The following GHSR variants were observed in gnomAD, a reference collection of about 807,000 sequenced individuals.
GHSR encodes growth hormone secretagogue receptor, also known as growth hormone secretagogue receptor type 1.
In GHSR, 17 loss-of-function variants were observed where a neutral mutation model predicts 24.0. The ratio of observed to expected loss-of-function variants is 0.71; its 90% CI spans 0.49 to 1.06. The LOEUF (loss-of-function observed/expected upper bound fraction) is 1.06, where lower values mean the gene tolerates loss of function less well. Ranked by LOEUF, GHSR falls within the 50% of genes least tolerant of loss-of-function variation. The pLI, the probability that GHSR is intolerant of heterozygous loss-of-function variation, is 0.00. For missense variants in GHSR, 504 were observed against 483.1 expected, an observed-to-expected ratio of 1.04 and a Z score of -0.41; for synonymous variants, 238 against 208.1, an observed-to-expected ratio of 1.14 and a Z score of -1.24.
rs1276741312 is a variant in GHSR, at chr3:172,445,151, A to G, written c.*10T>C. The G allele has an allele frequency of 6.2e-7, 1 of 1,613,946 alleles. No homozygotes were observed. The highest frequency in any genetic ancestry group is 1.7e-5 in the Admixed American group (1 of 60,018). ...GTAATAAGCGGTGACTGTACTCGCA[A>G]TGTGCTAGGTCATGTATTAATACTA... On this transcript the variant is annotated 3_prime_UTR_variant, in exon 2 of 2. Transcript: ENST00000241256.
At position 172,447,796 on chromosome 3, in the gene GHSR, G is replaced by A; in HGVS notation, c.618C>T (p.Arg206=). The change falls in exon 1 of 2, where the codon CGC becomes CGT. Residue 206 remains arginine (R), a synonymous_variant. Transcript: ENST00000241256. The part of the protein sequence containing the change: ...NECRPTEFAV[R]SGLLTVMVWV... ...ACACCATGACCGTGAGCAGTCCAGA[G>A]CGCACCGCAAACTCGGTGGGGCGGC... The A allele has an allele frequency of 1.2e-6, 2 of 1,614,082 alleles. No homozygotes were observed. Among genetic ancestry groups the A allele is most frequent in the Non-Finnish European group, 1.7e-6 (2 of 1,180,048 alleles).
chr3:172,447,516 C>A (rs746289621), intron 1 of GHSR, 102 bp downstream of exon 1: 53 of 1,541,350 alleles, frequency 3.4e-5, no homozygotes, highest in Non-Finnish European at 4.5e-5. Context: ...AAAGAGGTAG[C>A]GACTCAGGGG....
Position 172,447,889 on chromosome 3 carries a change from G to T in GHSR, c.525C>A (p.Ala175=). Residue 175 remains alanine, a synonymous_variant, in exon 1 of 2, where the codon GCC becomes GCA. Coordinates refer to ENST00000241256, the MANE Select transcript of GHSR (RefSeq NM_198407.2). ...CCCCGACTAGCACGAAGATGGGCCC[G>T]GCGCTGCAGAAGGCCACGGCCCAGA... The part of the protein sequence containing the change: ...FVIWAVAFCS[A]GPIFVLVGVE... 6.2e-7 allele frequency: 1 copy of T among 1,613,162 alleles called. No homozygotes were observed. The highest frequency in any genetic ancestry group is 8.5e-7 in the Non-Finnish European group (1 of 1,179,262).
chr3:172,447,202 G>A (rs549721928), intron 1 of GHSR, among the ~76,000 whole-genome samples: 1 of 152,184 alleles, frequency 6.6e-6, no homozygotes, highest in Non-Finnish European at 1.5e-5. Flanking sequence ...AACGCTTAAA[G>A]ACCACAATGG....
chr3:172,448,028 G>A lies in GHSR; in HGVS notation c.386C>T (p.Ala129Val). 6.2e-7 allele frequency: 1 copy of A among 1,614,200 alleles called. No homozygotes were observed. The highest frequency in any genetic ancestry group is 8.5e-7 in the Non-Finnish European group (1 of 1,180,034). The change falls in exon 1 of 2, where the codon GCC (alanine) becomes GTC (valine). Residue 129 changes from alanine (A) to valine (V), a missense_variant. Ala to Val is a moderately conservative substitution (Grantham distance 64). Transcript: ENST00000241256. The surrounding 1 kb of genome is among the most constrained non-coding windows in gnomAD (Gnocchi z 4.8). Reference protein sequence around the residue: ...FQFVSESCTYATVLTITALSV... With the variant: ...FQFVSESCTYVTVLTITALSV... ...CAGCGCTGTGATGGTGAGCACCGTG[G>A]CGTAGGTGCAGCTCTCACTGACGAA... is the stretch of plus-strand genomic sequence containing the variant.
rs201943862 is a variant in GHSR at position 172,445,268 on chromosome 3, C to A, written c.994G>T (p.Val332Leu). The A allele has an allele frequency of 6.2e-7, 1 of 1,614,120 alleles. No individual in the cohort carries two copies. Among genetic ancestry groups the A allele is most frequent in the Non-Finnish European group, 8.5e-7 (1 of 1,180,026 alleles). Residue 332 changes from valine to leucine, a missense_variant, in exon 2 of 2, where the codon GTG becomes TTG. Val to Leu is a conservative substitution (Grantham distance 32). Transcript: ENST00000241256. Reference protein sequence around the residue: ...LYNIMSKKYRVAVFRLLGFEP... With the variant: ...LYNIMSKKYRLAVFRLLGFEP... The stretch of plus-strand genomic sequence containing the variant: ...AATCCCAGAAGTCTGAACACTGCCA[C>A]CCGGTACTTCTTGGACATGATGTTG...
chr3:172,444,338 A>G lies in GHSR; in HGVS notation c.*823T>C, dbSNP rs972641218. ...AAGGTGAATGATAAGTTTTGTATAT[A>G]CTCTAGAGCTGTACTGTTCTGAGTG... On this transcript the variant is annotated 3_prime_UTR_variant, in exon 2 of 2. Transcript: ENST00000241256. 6.6e-6 allele frequency among the ~76,000 whole-genome samples: 1 copy of G among 152,124 alleles called. No homozygotes were observed. The highest frequency in any genetic ancestry group is 2.4e-5 in the African/African-American group (1 of 41,434).
rs1283559251 is a variant in GHSR, at chr3:172,445,382, A to G, written c.880T>C (p.Ser294Pro). 4 of 1,614,184 alleles carry G rather than the reference A, an allele frequency of 2.5e-6. No homozygotes were observed. Among genetic ancestry groups the G allele is most frequent in the Non-Finnish European group, 3.4e-6 (4 of 1,180,032 alleles). Residue 294 changes from serine (S) to proline (P), a missense_variant, in exon 2 of 2, where the codon TCC becomes CCC. Ser to Pro is a moderately conservative substitution (Grantham distance 74). Transcript: ENST00000241256. The part of the protein sequence containing the change: ...YLFSKSFEPG[S>P]LEIAQISQYC... Reference sequence around the variant, plus strand: ...TGGCTGATCTGAGCAATCTCCAAGGAGCCAGGCTCAAAGGATTTGGAAAAT... The same window carrying G: ...TGGCTGATCTGAGCAATCTCCAAGGGGCCAGGCTCAAAGGATTTGGAAAAT...
chr3:172,445,967 A>T (rs1737452347), intron 1 of GHSR, among the ~76,000 whole-genome samples: 2 of 151,568 alleles, frequency 1.3e-5, no homozygotes, highest in African/African-American at 4.9e-5. Flanking sequence ...TTCACAGAGG[A>T]TTGAATATAC....
Position 172,445,057 on chromosome 3 carries a change from T to G in GHSR, c.*104A>C. On this transcript the variant is annotated 3_prime_UTR_variant, in exon 2 of 2. Coordinates refer to ENST00000241256, the MANE Select transcript of GHSR (RefSeq NM_198407.2). ...CCTCCCAGATGTTTCTGGATCTATG[T>G]GTTCCTAATTCCAAAATTAACCTTC... The G allele has an allele frequency of 8.0e-7, 1 of 1,247,628 alleles. No homozygotes were observed. Among genetic ancestry groups the G allele is most frequent in the Non-Finnish European group, 1.2e-6 (1 of 853,988 alleles). The allele number at this position is 1,247,628 out of a possible 1,614,324, so 77.3% of individuals were successfully genotyped here. A position where few individuals can be genotyped will look rare whatever the true frequency, so the allele number is the denominator to read the frequency against.
Position 172,443,625 on chromosome 3 carries a change from T to G in GHSR, c.*1536A>C, listed in dbSNP as rs1202851343. ...TTGCACAGGATTATGAAAAAGTTAT[T>G]TTTGGGTTAATACCTTTAGTATGCA... On this transcript the variant is annotated 3_prime_UTR_variant, in exon 2 of 2. Transcript: ENST00000241256. Among the ~76,000 whole-genome samples the G allele has an allele frequency of 1.3e-5, 2 of 152,122 alleles. No homozygotes were observed. Among genetic ancestry groups the G allele is most frequent in the Non-Finnish European group, 2.9e-5 (2 of 67,984 alleles).
chr3:172,444,215 G>T lies in GHSR; in HGVS notation c.*946C>A, dbSNP rs1192378933. Reference sequence around the variant, plus strand: ...TGAGCATACAGAACAGGACATTTAGGTGTGATTTTTAGTATTCATCACTCT... The same window carrying T: ...TGAGCATACAGAACAGGACATTTAGTTGTGATTTTTAGTATTCATCACTCT... On this transcript the variant is annotated 3_prime_UTR_variant, in exon 2 of 2. Coordinates refer to ENST00000241256, the MANE Select transcript of GHSR (RefSeq NM_198407.2). 6.6e-6 allele frequency among the ~76,000 whole-genome samples: 1 copy of T among 152,130 alleles called. No individual in the cohort carries two copies. The highest frequency in any genetic ancestry group is 1.5e-5 in the Non-Finnish European group (1 of 68,002).
rs759731798 is a variant in GHSR, at chr3:172,443,306, C to T, written c.*1855G>A. Among the ~76,000 whole-genome samples the T allele has an allele frequency of 6.6e-6, 1 of 150,928 alleles. No individual in the cohort carries two copies. Among genetic ancestry groups the T allele is most frequent in the Non-Finnish European group, 1.5e-5 (1 of 67,840 alleles). On this transcript the variant is annotated 3_prime_UTR_variant, in exon 2 of 2. Coordinates refer to ENST00000241256, the MANE Select transcript of GHSR (RefSeq NM_198407.2). ...TTTTTTTTTTTTTAATATTGATGCA[C>T]TCTTAGGAATTAACTACATAATCAG...
Position 172,445,051 on chromosome 3 carries a change from T to G in GHSR, c.*110A>C. 1 of 1,203,014 alleles carries G rather than the reference T, an allele frequency of 8.3e-7. No individual in the cohort carries two copies. The highest frequency in any genetic ancestry group is 1.2e-6 in the Non-Finnish European group (1 of 815,632). The allele number at this position is 1,203,014 out of a possible 1,614,324, so 74.5% of individuals were successfully genotyped here. A position where few individuals can be genotyped will look rare whatever the true frequency, so the allele number is the denominator to read the frequency against. Reference sequence around the variant, plus strand: ...TTTTTCCCTCCCAGATGTTTCTGGATCTATGTGTTCCTAATTCCAAAATTA... The same window carrying G: ...TTTTTCCCTCCCAGATGTTTCTGGAGCTATGTGTTCCTAATTCCAAAATTA... On this transcript the variant is annotated 3_prime_UTR_variant, in exon 2 of 2. Coordinates refer to ENST00000241256, the MANE Select transcript of GHSR (RefSeq NM_198407.2).
chr3:172,447,901 G>T lies in GHSR; in HGVS notation c.513C>A (p.Ala171=). 6.2e-7 allele frequency: 1 copy of T among 1,612,958 alleles called. No homozygotes were observed. Residue 171 remains alanine, a synonymous_variant, in exon 1 of 2, where the codon GCC becomes GCA. Transcript: ENST00000241256. ...CGAAGATGGGCCCGGCGCTGCAGAA[G>T]GCCACGGCCCAGATGACGAAGATGA... ...KLVIFVIWAV[A]FCSAGPIFVL...
rs1296161294 is a variant in GHSR, at chr3:172,448,189, G to A, written c.225C>T (p.Arg75=). 1 of 1,614,076 alleles carries A rather than the reference G, an allele frequency of 6.2e-7. No homozygotes were observed. The highest frequency in any genetic ancestry group is 1.7e-5 in the Admixed American group (1 of 60,012). The change falls in exon 1 of 2, where the codon CGC becomes CGT. Residue 75 remains arginine (R), a synonymous_variant. Coordinates refer to ENST00000241256, the MANE Select transcript of GHSR (RefSeq NM_198407.2). This position sits in a 1 kb window ranked among gnomAD's most constrained non-coding sequence, Gnocchi z 4.8. ...MLVVSRFREL[R]TTTNLYLSSM... ...TGGACAGGTAGAGGTTGGTGGTGGT[G>A]CGCAGCTCGCGGAAGCGCGACACCA...
In GHSR at chr3:172,444,478, C is replaced by A. The variant is rs755902887; in HGVS notation, c.*683G>T. On this transcript the variant is annotated 3_prime_UTR_variant, in exon 2 of 2. Coordinates refer to ENST00000241256, the MANE Select transcript of GHSR (RefSeq NM_198407.2). ...TACCGTTGTTTCAGTTACTGGAAAA[C>A]TTTTAAGTGTGCTTAGACAACTTAG... 6.6e-6 allele frequency among the ~76,000 whole-genome samples: 1 copy of A among 152,034 alleles called. No homozygotes were observed. The highest frequency in any genetic ancestry group is 1.5e-5 in the Non-Finnish European group (1 of 67,962).
At position 172,443,438 on chromosome 3, in the gene GHSR, G is replaced by A. The variant is rs1737386564; in HGVS notation, c.*1723C>T. On this transcript the variant is annotated 3_prime_UTR_variant, in exon 2 of 2. Transcript: ENST00000241256. The stretch of plus-strand genomic sequence containing the variant: ...AATGATTCTAATTATGATTGTGTTT[G>A]GATGTTTCCAAACTAAATAATCAAT... Among the ~76,000 whole-genome samples the A allele has an allele frequency of 3.3e-5, 5 of 152,022 alleles. No homozygotes were observed. The South Asian group carries it at 1.0e-3, about 32-fold the overall frequency.
chr3:172,447,572 A>C, intron 1 of GHSR, 46 bp downstream of exon 1: 6 of 1,607,484 alleles, frequency 3.7e-6, no homozygotes, highest in Non-Finnish European at 5.1e-6. Context: ...GCACAGGGAG[A>C]GGATAGGACC....
Sources: allele counts gnomAD v4.1 joint callset (sites outside exome capture counted in the v4.1 genomes callset), GRCh38; gene constraint gnomAD v4.1.1; non-coding constraint Gnocchi (gnomAD v3.1); transcripts MANE v1.5; gene names NCBI Gene and HGNC (gene_info 2026-07-23, HGNC 2026-07-21).